The following ITGB6 variants were observed in gnomAD, a reference collection of about 807,000 sequenced individuals.
ITGB6 encodes the protein integrin beta-6.
A neutral mutation model predicts 84.5 loss-of-function variants in ITGB6; 80 were observed. The ratio of observed to expected loss-of-function variants is 0.95; its 90% CI spans 0.79 to 1.14. The LOEUF is 1.14. ITGB6 is among the 50% of genes most tolerant of loss of function. The pLI is 0.00. For synonymous variants in ITGB6, 383 were observed against 354.9 expected (o/e 1.08, Z -0.89); for missense variants, 1,006 against 968.0 (o/e 1.04, Z -0.52).
chr2:160,113,416 A>C (rs1236336707), intron 12 of ITGB6, among the ~76,000 whole-genome samples: 1 of 152,244 alleles, frequency 6.6e-6, no homozygotes, highest in Non-Finnish European at 1.5e-5. Flanking sequence ...AGTGTCTGTG[A>C]GAAGTATGCT....
At chr2:160,102,873 T>C (rs1696775502) in intron 14 of ITGB6, among the ~76,000 whole-genome samples, 1 of 152,248 alleles carries the variant, frequency 6.6e-6, no homozygotes, top group Admixed American at 6.5e-5. Flanking sequence ...TATCTGTTCC[T>C]ACCTCGTCCA....
intron 12 of ITGB6, among the ~76,000 whole-genome samples, chr2:160,118,415 A>C (rs1282095775): frequency 1.3e-5 from 2 of 152,228 alleles, no homozygotes; most frequent in Admixed American, 1.3e-4. Context: ...GACAAAAACC[A>C]CATGATTATC....
chr2:160,119,603 T>C (rs1682939500), intron 12 of ITGB6, among the ~76,000 whole-genome samples: 2 of 152,124 alleles, frequency 1.3e-5, no homozygotes, highest in Middle Eastern at 3.4e-3. Context: ...GACATAGGCA[T>C]GGGCAAGGAC....
At chr2:160,109,413 G>C (rs964376279) in intron 13 of ITGB6, among the ~76,000 whole-genome samples, 1 of 152,182 alleles carries the variant, frequency 6.6e-6, no homozygotes, top group African/African-American at 2.4e-5. Context: ...GAAATGCCTG[G>C]GGTGGGGCAT....
chr2:160,189,464 G>A (rs1382272494), intron 4 of ITGB6, among the ~76,000 whole-genome samples: 1 of 151,898 alleles, frequency 6.6e-6, no homozygotes, highest in Non-Finnish European at 1.5e-5. Flanking sequence ...TCTGACAAAG[G>A]GCTAATATCC....
At chr2:160,123,647 T>A in intron 12 of ITGB6, 144 bp downstream of exon 12, 1 of 613,306 alleles carries the variant, frequency 1.6e-6, no homozygotes, top group South Asian at 2.0e-5. Flanking sequence ...ATGCATTTAC[T>A]CTTAAAAAAT....
At chr2:160,176,366 C>T (rs754422023) in intron 4 of ITGB6, among the ~76,000 whole-genome samples, 3 of 152,226 alleles carry the variant, frequency 2.0e-5, no homozygotes, top group Non-Finnish European at 4.4e-5. Flanking sequence ...CACTAGGTCT[C>T]TCTGTCCTTT....
At chr2:160,190,295 GTA>G (rs1468708957) in intron 4 of ITGB6, among the ~76,000 whole-genome samples, 2 of 151,906 alleles carry the variant, frequency 1.3e-5, no homozygotes, top group Admixed American at 6.6e-5. Flanking sequence ...CATGGCACAT[GTA>G]TATATATGTA....
intron 2 of ITGB6, among the ~76,000 whole-genome samples, chr2:160,197,478 G>A (rs1686389577): frequency 6.6e-6 from 1 of 152,174 alleles, no homozygotes; most frequent in Non-Finnish European, 1.5e-5. Flanking sequence ...GGCTGCTTTA[G>A]AGTGGGCATG....
intron 7 of ITGB6, among the ~76,000 whole-genome samples, chr2:160,165,020 A>G (rs1211397513): frequency 6.6e-6 from 1 of 152,212 alleles, no homozygotes; most frequent in African/African-American, 2.4e-5. Flanking sequence ...CTTTGTTCCC[A>G]GATACTATCA....
At chr2:160,182,323 C>A (rs1685712048) in intron 4 of ITGB6, among the ~76,000 whole-genome samples, 1 of 152,116 alleles carries the variant, frequency 6.6e-6, no homozygotes, top group African/African-American at 2.4e-5. Flanking sequence ...CTGAGAAACA[C>A]AGCACGAGAA....
chr2:160,149,955 T>A (rs1233249466), intron 7 of ITGB6, among the ~76,000 whole-genome samples: 3 of 152,108 alleles, frequency 2.0e-5, no homozygotes, highest in Non-Finnish European at 4.4e-5. Flanking sequence ...TAGGGAAGTA[T>A]GTGAAAAGAC....
rs1386315358 is a variant in ITGB6 at position 160,101,034 on chromosome 2, T to C, written c.*702A>G. 2 of 152,188 alleles carry C rather than the reference T, an allele frequency of 1.3e-5. No homozygotes were observed. The highest frequency in any genetic ancestry group is 2.9e-5 in the Non-Finnish European group (2 of 68,022). The allele number at this position is 152,188 out of a possible 1,614,324, so 9.4% of individuals were successfully genotyped here. ...GTGTAGAATATCGTTTTTCAGGTAATTTAAAAATAAGCTATATGATAGGGT... is the reference window on the plus strand; with the variant it reads ...GTGTAGAATATCGTTTTTCAGGTAACTTAAAAATAAGCTATATGATAGGGT... On this transcript the variant is annotated 3_prime_UTR_variant, in exon 15 of 15. Transcript: ENST00000283249.
At chr2:160,156,187 G>A (rs1684615252) in intron 7 of ITGB6, among the ~76,000 whole-genome samples, 1 of 152,130 alleles carries the variant, frequency 6.6e-6, no homozygotes, top group Admixed American at 6.5e-5. Context: ...ATTCTGAAAG[G>A]GGCTCAGTTC....
At chr2:160,156,209 T>G (rs1684616022) in intron 7 of ITGB6, among the ~76,000 whole-genome samples, 1 of 152,212 alleles carries the variant, frequency 6.6e-6, no homozygotes, top group South Asian at 2.1e-4. Flanking sequence ...GTTGGGTATT[T>G]GACCACAAGG....
In ITGB6 at chr2:160,125,002, C is replaced by T. The variant is rs73010545; in HGVS notation, c.1884-1114G>A. 8.7e-3 allele frequency among the ~76,000 whole-genome samples: 1,328 copies of T among 152,304 alleles called. 19 individuals are homozygous for T. The highest frequency in any genetic ancestry group is 0.03 in the African/African-American group (1,260 of 41,544). On this transcript the variant is annotated intron_variant, in intron 11 of 14. Transcript: ENST00000283249. ...TTAATATCTCTTTGTCTTTGTGCAT[C>T]TCAATGATGGCTGCCCTAGCTAGTC... is the stretch of plus-strand genomic sequence containing the variant.
chr2:160,131,075 CA>C (rs1204636357), intron 10 of ITGB6, among the ~76,000 whole-genome samples: 8 of 151,534 alleles, frequency 5.3e-5, no homozygotes, highest in Non-Finnish European at 2.9e-5. Context: ...CATACAATAA[CA>C]ACAACAACAA....
At position 160,137,802 on chromosome 2, in the gene ITGB6, C is replaced by T; in HGVS notation, c.1292G>A (p.Arg431Lys). 6.2e-7 allele frequency: 1 copy of T among 1,614,166 alleles called. No individual in the cohort carries two copies. The highest frequency in any genetic ancestry group is 1.1e-5 in the South Asian group (1 of 91,078). The change falls in exon 10 of 15, where the codon AGG (arginine) becomes AAG (lysine). Residue 431 changes from arginine to lysine, a missense_variant. Coordinates refer to ENST00000283249, the MANE Select transcript of ITGB6 (RefSeq NM_000888.5). ...VNIPHCERRS[R>K]HIIIKPVGLG... ...CCCCACAGGCTTTATGATAATGTGC[C>T]TGCTTCTTCTCTCGCAGTGTGGGAT...
chr2:160,183,989 G>A (rs1021282970), intron 4 of ITGB6, among the ~76,000 whole-genome samples: 4 of 152,190 alleles, frequency 2.6e-5, no homozygotes, highest in Admixed American at 2.0e-4. Flanking sequence ...AGTGTTTAGA[G>A]AGAAATTTAT....
Sources: allele counts gnomAD v4.1 joint callset (sites outside exome capture counted in the v4.1 genomes callset), GRCh38; gene constraint gnomAD v4.1.1; transcripts MANE v1.5; gene names NCBI Gene and HGNC (gene_info 2026-07-23, HGNC 2026-07-21).